CSMD1: variants seen among roughly 807,000 people sequenced by gnomAD.
CSMD1 encodes CUB and Sushi multiple domains 1.
A neutral mutation model predicts 417.5 loss-of-function variants in CSMD1; 213 were observed. The ratio of observed to expected loss-of-function variants is 0.51; its 90% CI spans 0.46 to 0.57. The LOEUF (loss-of-function observed/expected upper bound fraction) is 0.57. Ranked by LOEUF, CSMD1 falls within the 20% of genes least tolerant of loss-of-function variation. CSMD1 has a pLI of 0.00. For missense variants in CSMD1, 6,923 were observed against 4,529.7 expected (o/e 1.53, Z -15.17); for synonymous variants, 2,862 against 1,736.8 (o/e 1.65, Z -16.11).
At chr8:4,721,222 A>G (rs756624069) in intron 1 of CSMD1, among the ~76,000 whole-genome samples, 1 of 152,188 alleles carries the variant, frequency 6.6e-6, no homozygotes, top group Non-Finnish European at 1.5e-5. Context: ...ACTGAAACAT[A>G]GGAATTGTGT....
Position 3,358,871 on chromosome 8 carries a change from A to G in CSMD1, c.3304+281T>C, listed in dbSNP as rs191602410. Among the ~76,000 whole-genome samples the G allele has an allele frequency of 3.3e-3, 499 of 151,834 alleles. 1 individual carries two copies. Among genetic ancestry groups the G allele is most frequent in the African/African-American group, 0.011 (474 of 41,382 alleles). ...ATTTTCTCTCTCTCCGTATATATATATTTTTTCCCTTCATAAATATGCTTG... is the reference window on the plus strand; with the variant it reads ...ATTTTCTCTCTCTCCGTATATATATGTTTTTTCCCTTCATAAATATGCTTG... On this transcript the variant is annotated intron_variant, in intron 21 of 69. Coordinates refer to ENST00000635120, the MANE Select transcript of CSMD1 (RefSeq NM_033225.6).
chr8:3,097,107 T>A, intron 46 of CSMD1, 70 bp from the exon 47 acceptor site: 1 of 1,249,336 alleles, frequency 8.0e-7, no homozygotes, highest in Non-Finnish European at 1.1e-6. Flanking sequence ...ATAGTTTCTA[T>A]CCCTGTATAA....
At chr8:3,437,271 G>A (rs1049730898) in intron 12 of CSMD1, among the ~76,000 whole-genome samples, 7 of 152,108 alleles carry the variant, frequency 4.6e-5, no homozygotes, top group African/African-American at 1.4e-4. Context: ...AGACAACACA[G>A]GCATCCCAAA....
chr8:4,944,233 T>A (rs183400350), intron 1 of CSMD1, among the ~76,000 whole-genome samples: 16 of 152,128 alleles, frequency 1.1e-4, no homozygotes, highest in African/African-American at 2.4e-5. Flanking sequence ...CAAAAGATGA[T>A]AGAAAGTAGA....
intron 2 of CSMD1, among the ~76,000 whole-genome samples, chr8:4,458,272 C>A (rs1799604534): frequency 6.6e-6 from 1 of 152,058 alleles, no homozygotes; most frequent in Non-Finnish European, 1.5e-5. Context: ...CAAAAAATGA[C>A]ACTCAATGAG....
At chr8:3,445,764 T>C (rs1563397363) in intron 12 of CSMD1, among the ~76,000 whole-genome samples, 1 of 152,134 alleles carries the variant, frequency 6.6e-6, no homozygotes, top group Non-Finnish European at 1.5e-5. Flanking sequence ...CAAAGCCATG[T>C]AAACAGTAAG....
At chr8:3,177,988 AACGAAG>A (rs1386171382) in intron 37 of CSMD1, among the ~76,000 whole-genome samples, 1 of 152,240 alleles carries the variant, frequency 6.6e-6, no homozygotes, top group Non-Finnish European at 1.5e-5. Flanking sequence ...AAATAACGTG[AACGAAG>A]ACTAAATGGC....
At chr8:3,709,681 T>TTTTTG (rs1801390149) in intron 6 of CSMD1, among the ~76,000 whole-genome samples, 1 of 72,286 alleles carries the variant, frequency 1.4e-5, no homozygotes, top group East Asian at 3.4e-4. Context: ...CAGCAGCATG[T>TTTTTG]TTTTTTTTTT....
At chr8:4,830,720 A>T (rs1031046513) in intron 1 of CSMD1, among the ~76,000 whole-genome samples, 3 of 152,226 alleles carry the variant, frequency 2.0e-5, no homozygotes, top group Admixed American at 1.3e-4. Context: ...ACCCTGTGTC[A>T]TTGTATCTTC....
At chr8:4,365,281 G>C (rs115376845) in intron 3 of CSMD1, among the ~76,000 whole-genome samples, 7 of 152,132 alleles carry the variant, frequency 4.6e-5, no homozygotes, top group Admixed American at 1.3e-4. Context: ...AAAACTGTAA[G>C]TGTAAATAAA....
chr8:4,029,017 G>A (rs956514723), intron 4 of CSMD1, among the ~76,000 whole-genome samples: 1 of 152,166 alleles, frequency 6.6e-6, no homozygotes, highest in Non-Finnish European at 1.5e-5. Context: ...AACGGCACTT[G>A]GGAGAGGGCA....
At chr8:4,795,740 C>T (rs1585112268) in intron 1 of CSMD1, among the ~76,000 whole-genome samples, 1 of 152,096 alleles carries the variant, frequency 6.6e-6, no homozygotes, top group Admixed American at 6.5e-5. Flanking sequence ...TCCTCCAGGG[C>T]TCTTGTCAGT....
At chr8:3,398,577 C>T (rs1287345396) in intron 16 of CSMD1, among the ~76,000 whole-genome samples, 1 of 152,156 alleles carries the variant, frequency 6.6e-6, no homozygotes, top group African/African-American at 2.4e-5. Flanking sequence ...CCATAATATT[C>T]CGGATACTGA....
At chr8:4,326,948 G>A (rs1799595191) in intron 3 of CSMD1, among the ~76,000 whole-genome samples, 1 of 152,126 alleles carries the variant, frequency 6.6e-6, no homozygotes, top group African/African-American at 2.4e-5. Flanking sequence ...TGTCTACTTT[G>A]GAAGTGCAGG....
intron 1 of CSMD1, among the ~76,000 whole-genome samples, chr8:4,798,006 C>T (rs1158922300): frequency 1.3e-5 from 2 of 152,164 alleles, no homozygotes; most frequent in African/African-American, 2.4e-5. Context: ...GCCAAAATCT[C>T]GAAGCATTTT....
chr8:3,998,094 T>C lies in CSMD1; in HGVS notation c.627A>G (p.Gly209=), dbSNP rs562438658. The change falls in exon 5 of 70, where the codon GGA becomes GGG. Residue 209 remains glycine (G), a synonymous_variant. Coordinates refer to ENST00000635120, the MANE Select transcript of CSMD1 (RefSeq NM_033225.6). The part of the protein sequence containing the change: ...APFCRAEGAC[G]GTLRGTSSSI... Reference sequence around the variant, plus strand: ...AGCTGCTGGTCCCGCGTAAGGTTCCTCCGCAGGCTCCCTCAGCTGCAGGGG... The same window carrying C: ...AGCTGCTGGTCCCGCGTAAGGTTCCCCCGCAGGCTCCCTCAGCTGCAGGGG... 6.4e-7 allele frequency: 1 copy of C among 1,572,390 alleles called. No homozygotes were observed. The highest frequency in any genetic ancestry group is 8.6e-7 in the Non-Finnish European group (1 of 1,157,884).
At chr8:3,280,175 G>A (rs930783661) in intron 26 of CSMD1, among the ~76,000 whole-genome samples, 2 of 151,178 alleles carry the variant, frequency 1.3e-5, no homozygotes, top group Admixed American at 6.6e-5. Context: ...ACCCAATACA[G>A]GTTTGCCTCG....
intron 5 of CSMD1, among the ~76,000 whole-genome samples, chr8:3,885,029 T>A (rs1806462901): frequency 6.6e-6 from 1 of 151,822 alleles, no homozygotes; most frequent in Non-Finnish European, 1.5e-5. Flanking sequence ...TAAATGTACC[T>A]AGTTTCTAAT....
chr8:4,131,393 C>T (rs1003296572), intron 3 of CSMD1, among the ~76,000 whole-genome samples: 4 of 152,100 alleles, frequency 2.6e-5, no homozygotes, highest in African/African-American at 7.2e-5. Context: ...ATCCCTTAAG[C>T]CTTCCTTGAG....
Sources: allele counts gnomAD v4.1 joint callset (sites outside exome capture counted in the v4.1 genomes callset), GRCh38; gene constraint gnomAD v4.1.1; transcripts MANE v1.5; gene names NCBI Gene and HGNC (gene_info 2026-07-23, HGNC 2026-07-21).